Variants in CTNND2 observed in about 807,000 individuals in gnomAD.
The protein encoded by CTNND2 is catenin delta-2.
A neutral mutation model predicts 144.4 loss-of-function variants in CTNND2; 22 were observed. The observed-to-expected ratio is 0.15, with a 90% CI of 0.11 to 0.22. CTNND2 has a LOEUF of 0.22. Among genes scored for constraint, CTNND2 ranks in the 10% least tolerant of loss-of-function variants. CTNND2 has a pLI of 1.00. For missense variants in CTNND2, 1,353 were observed against 1,618.8 expected (o/e 0.84, Z 2.82); for synonymous variants, 751 against 695.6 (o/e 1.08, Z -1.25).
chr5:11,030,350 T>C (rs1330588545), intron 16 of CTNND2, among the ~76,000 whole-genome samples: 7 of 152,168 alleles, frequency 4.6e-5, no homozygotes, highest in Non-Finnish European at 1.0e-4. Flanking sequence ...CCCACTTTTT[T>C]TCTCCTGAGT....
intron 15 of CTNND2, among the ~76,000 whole-genome samples, chr5:11,096,289 A>C (rs1411849076): frequency 1.3e-5 from 2 of 152,114 alleles, no homozygotes; most frequent in African/African-American, 4.8e-5. Flanking sequence ...TACATTAGGT[A>C]TTTCTCCTAA....
intron 2 of CTNND2, among the ~76,000 whole-genome samples, chr5:11,587,328 G>A (rs982437174): frequency 6.6e-6 from 1 of 151,958 alleles, no homozygotes; most frequent in Non-Finnish European, 1.5e-5. Flanking sequence ...CTAGCTTTAA[G>A]ACAATAAACA....
chr5:11,712,582 G>C (rs981303524), intron 2 of CTNND2, among the ~76,000 whole-genome samples: 2 of 152,096 alleles, frequency 1.3e-5, no homozygotes, highest in African/African-American at 4.8e-5. Context: ...AAATATTAAA[G>C]TACTTGTAAA....
intron 3 of CTNND2, among the ~76,000 whole-genome samples, chr5:11,488,723 C>T (rs959762208): frequency 6.6e-6 from 1 of 152,038 alleles, no homozygotes; most frequent in African/African-American, 2.4e-5. Flanking sequence ...CTGACAATAC[C>T]CCAAACCCTA....
At chr5:11,358,327 T>G (rs1364909966) in intron 8 of CTNND2, among the ~76,000 whole-genome samples, 3 of 152,190 alleles carry the variant, frequency 2.0e-5, no homozygotes, top group African/African-American at 7.2e-5. Flanking sequence ...ACTTCTTATT[T>G]ATACCTTTTT....
At chr5:11,267,318 G>C (rs946312011) in intron 9 of CTNND2, among the ~76,000 whole-genome samples, 5 of 152,144 alleles carry the variant, frequency 3.3e-5, no homozygotes, top group African/African-American at 1.2e-4. Context: ...TTTGGCAATT[G>C]GGCTACGTGG....
At position 11,114,822 on chromosome 5, in the gene CTNND2, C is replaced by A. The variant is rs1201632868; in HGVS notation, c.2277+2628G>T. ...AGGTGTACTCATTCAAACCCCTCAC[C>A]CTCAATTTGTCATTGTGAAAGCTCA... is the stretch of plus-strand genomic sequence containing the variant. On this transcript the variant is annotated intron_variant, in intron 13 of 21. Coordinates refer to ENST00000304623, the MANE Select transcript of CTNND2 (RefSeq NM_001332.4). Among the ~76,000 whole-genome samples, 6 of 152,280 alleles carry A rather than the reference C, an allele frequency of 3.9e-5. No homozygotes were observed. The South Asian group carries it at 6.2e-4, about 16-fold the overall frequency.
intron 12 of CTNND2, among the ~76,000 whole-genome samples, chr5:11,124,506 C>T (rs146329745): frequency 2.6e-5 from 4 of 152,258 alleles, no homozygotes; most frequent in East Asian, 3.9e-4. Context: ...ATCTTCTATC[C>T]GTGAACACCT....
chr5:11,181,153 G>T (rs1299324912), intron 11 of CTNND2, among the ~76,000 whole-genome samples: 1 of 152,154 alleles, frequency 6.6e-6, no homozygotes, highest in Non-Finnish European at 1.5e-5. Context: ...TGGACCCAAT[G>T]ACTGGAGTGG....
At chr5:10,983,255 T>C (rs535681204) in intron 20 of CTNND2, among the ~76,000 whole-genome samples, 5 of 152,340 alleles carry the variant, frequency 3.3e-5, no homozygotes, top group Non-Finnish European at 7.3e-5. Context: ...AAAAATCACA[T>C]GGACCCCATA....
At chr5:11,159,846 C>T (rs1264819002) in intron 11 of CTNND2, 87 bp from the exon 12 acceptor site, 11 of 1,092,994 alleles carry the variant, frequency 1.0e-5, no homozygotes, top group Non-Finnish European at 1.3e-5. Context: ...GTTAACGGAA[C>T]TGGCAGGAAG....
At chr5:11,212,466 G>A (rs1561029492) in intron 10 of CTNND2, among the ~76,000 whole-genome samples, 1 of 152,172 alleles carries the variant, frequency 6.6e-6, no homozygotes, top group East Asian at 1.9e-4. Context: ...AAAGTTGAGA[G>A]CACATATGGT....
At chr5:11,549,931 G>C (rs368771597) in intron 3 of CTNND2, among the ~76,000 whole-genome samples, 13 of 152,098 alleles carry the variant, frequency 8.5e-5, no homozygotes, top group South Asian at 4.1e-4. Context: ...CTAAATAAAA[G>C]AAAGAAGGAA....
intron 9 of CTNND2, among the ~76,000 whole-genome samples, chr5:11,248,962 T>A (rs1743293094): frequency 6.6e-6 from 1 of 152,224 alleles, no homozygotes; most frequent in Admixed American, 6.5e-5. Context: ...GCAGAGATAC[T>A]TCCTCTAAAG....
intron 16 of CTNND2, among the ~76,000 whole-genome samples, chr5:11,058,022 G>A (rs369425641): frequency 3.9e-5 from 6 of 152,232 alleles, no homozygotes; most frequent in African/African-American, 1.4e-4. Flanking sequence ...CATTCAAAAG[G>A]TGACTTGGGT....
chr5:11,053,286 C>T (rs573016850), intron 16 of CTNND2, among the ~76,000 whole-genome samples: 151 of 152,216 alleles, frequency 9.9e-4, no homozygotes, highest in African/African-American at 3.5e-3. Context: ...AAAAAGTTTA[C>T]GTGGTGCTAT....
At chr5:11,585,104 T>C (rs1471343525) in intron 2 of CTNND2, among the ~76,000 whole-genome samples, 1 of 152,178 alleles carries the variant, frequency 6.6e-6, no homozygotes, top group Non-Finnish European at 1.5e-5. Flanking sequence ...AAGGCATTTG[T>C]GACATTTCCA....
At chr5:11,576,811 A>G (rs543118336) in intron 2 of CTNND2, among the ~76,000 whole-genome samples, 172 of 152,306 alleles carry the variant, frequency 1.1e-3, no homozygotes, top group African/African-American at 4.0e-3. Context: ...TTCAGAGTGC[A>G]GTAGCTCTTT....
At chr5:11,079,292 G>C (rs1294764471) in intron 16 of CTNND2, among the ~76,000 whole-genome samples, 1 of 122,494 alleles carries the variant, frequency 8.2e-6, no homozygotes, top group African/African-American at 3.9e-5. Context: ...GGTTGGTCCA[G>C]CTCCCTTCTG....
Sources: gnomAD v4.1 joint callset for allele counts (sites outside exome capture counted in the v4.1 genomes callset) on GRCh38, gnomAD v4.1.1 for gene constraint, MANE v1.5 for transcripts, NCBI Gene and HGNC (gene_info 2026-07-23, HGNC 2026-07-21) for gene names.